ARHGAP42: variants seen among roughly 807,000 people sequenced by gnomAD.
ARHGAP42 encodes rho GTPase-activating protein 42.
ARHGAP42 carries 63 observed loss-of-function variants against 125.0 expected under a neutral mutation model. The observed-to-expected ratio is 0.50, with a 90% CI of 0.41 to 0.62. ARHGAP42 has a LOEUF of 0.62. Among genes scored for constraint, ARHGAP42 ranks in the 20% least tolerant of loss-of-function variants. ARHGAP42 has a pLI of 0.00. For synonymous variants in ARHGAP42, 339 were observed against 351.0 expected, an observed-to-expected ratio of 0.97 and a Z score of 0.38; for missense variants, 766 against 1,024.2, an observed-to-expected ratio of 0.75 and a Z score of 3.44.
At chr11:100,915,789 A>C (rs543614231) in intron 5 of ARHGAP42, among the ~76,000 whole-genome samples, 2 of 152,140 alleles carry the variant, frequency 1.3e-5, no homozygotes, top group Non-Finnish European at 2.9e-5. Flanking sequence ...CAACACAACT[A>C]ACAAATTTTG....
At chr11:100,695,381 G>A (rs1433958054) in intron 1 of ARHGAP42, among the ~76,000 whole-genome samples, 3 of 152,122 alleles carry the variant, frequency 2.0e-5, no homozygotes, top group African/African-American at 7.2e-5. Context: ...TCAGCTCACC[G>A]CAACCTCCAC....
At chr11:100,834,071 C>CTGTTG (rs1864725577) in intron 3 of ARHGAP42, among the ~76,000 whole-genome samples, 1 of 152,102 alleles carries the variant, frequency 6.6e-6, no homozygotes, top group Non-Finnish European at 1.5e-5. Flanking sequence ...ATGGTAGGCA[C>CTGTTG]TGTTGTTAGC....
intron 6 of ARHGAP42, among the ~76,000 whole-genome samples, chr11:100,925,718 G>A (rs77894524): frequency 0.049 from 7,505 of 152,246 alleles, 321 homozygotes; most frequent in East Asian, 0.25. Flanking sequence ...GGCCTAGGTG[G>A]CAGAGTGAGA....
intron 2 of ARHGAP42, among the ~76,000 whole-genome samples, chr11:100,792,085 A>G (rs1338879624): frequency 6.6e-6 from 1 of 152,214 alleles, no homozygotes; most frequent in East Asian, 1.9e-4. Context: ...CCCAGGAGCC[A>G]GTGAAATACA....
intron 3 of ARHGAP42, among the ~76,000 whole-genome samples, chr11:100,833,058 A>G (rs1475106039): frequency 6.6e-6 from 1 of 152,146 alleles, no homozygotes; most frequent in South Asian, 2.1e-4. Flanking sequence ...ATTTTTTCAT[A>G]TTGCCACATC....
rs2135344282 is a variant in ARHGAP42, at chr11:100,992,842, T to A, written c.*4041T>A. ...CATTGGCAGAAAATTGATCTGCATG[T>A]CCTAGACCAATGATTACAAGGTGTC... On this transcript the variant is annotated 3_prime_UTR_variant, in exon 24 of 24. Coordinates refer to ENST00000298815, the MANE Select transcript of ARHGAP42 (RefSeq NM_152432.4). 1 of 919,488 alleles carries A rather than the reference T, an allele frequency of 1.1e-6. No homozygotes were observed. Among genetic ancestry groups the A allele is most frequent in the East Asian group, 2.7e-5 (1 of 37,712 alleles). The allele number at this position is 919,488 out of a possible 1,614,324, so 57.0% of individuals were successfully genotyped here.
chr11:100,745,592 T>C (rs532857503), intron 1 of ARHGAP42, among the ~76,000 whole-genome samples: 3 of 152,340 alleles, frequency 2.0e-5, no homozygotes, highest in South Asian at 2.1e-4. Context: ...GGCTAACTCA[T>C]TGGACAGAGA....
chr11:100,727,491 T>A lies in ARHGAP42; in HGVS notation c.154+39659T>A, dbSNP rs112050199. 5.7e-3 allele frequency among the ~76,000 whole-genome samples: 873 copies of A among 152,042 alleles called. 6 individuals are homozygous for A. The highest frequency in any genetic ancestry group is 0.02 in the Middle Eastern group (6 of 294). ...GATAAGGGCTGGTCACCGGAAAGAGTCCGCCACAATTAGAAGCCTTGAACT... is the reference window on the plus strand; with the variant it reads ...GATAAGGGCTGGTCACCGGAAAGAGACCGCCACAATTAGAAGCCTTGAACT... On this transcript the variant is annotated intron_variant, in intron 1 of 23. Coordinates refer to ENST00000298815, the MANE Select transcript of ARHGAP42 (RefSeq NM_152432.4).
At chr11:100,745,259 A>G (rs2120351697) in intron 1 of ARHGAP42, among the ~76,000 whole-genome samples, 1 of 152,336 alleles carries the variant, frequency 6.6e-6, no homozygotes, top group East Asian at 1.9e-4. Context: ...CTCATATCTA[A>G]CAATCCCTCC....
At chr11:100,763,048 C>T (rs1263909739) in intron 1 of ARHGAP42, among the ~76,000 whole-genome samples, 3 of 137,860 alleles carry the variant, frequency 2.2e-5, no homozygotes, top group South Asian at 2.3e-4. Flanking sequence ...GGCATGATCT[C>T]GGCTCACCAC....
In ARHGAP42 at chr11:100,687,473, G is replaced by C. The variant is rs1861102293; in HGVS notation, c.-206G>C. Among the ~76,000 whole-genome samples the C allele has an allele frequency of 6.6e-6, 1 of 151,836 alleles. No individual in the cohort carries two copies. Among genetic ancestry groups the C allele is most frequent in the African/African-American group, 2.4e-5 (1 of 41,398 alleles). On this transcript the variant is annotated 5_prime_UTR_variant, in exon 1 of 24. Coordinates refer to ENST00000298815, the MANE Select transcript of ARHGAP42 (RefSeq NM_152432.4). The stretch of plus-strand genomic sequence containing the variant: ...GCCTCGGCCCGCCGCCCGCGCCTGC[G>C]CTCGCCTAGCCTCGGGGGAGGAAGA...
chr11:100,842,221 A>G (rs1321965745), intron 3 of ARHGAP42, among the ~76,000 whole-genome samples: 3 of 152,204 alleles, frequency 2.0e-5, no homozygotes, highest in East Asian at 1.9e-4. Flanking sequence ...ACACTTAAAT[A>G]TAGCTCCTAC....
At chr11:100,788,384 A>T (rs997715903) in intron 2 of ARHGAP42, among the ~76,000 whole-genome samples, 1 of 152,216 alleles carries the variant, frequency 6.6e-6, no homozygotes, top group Non-Finnish European at 1.5e-5. Flanking sequence ...TGTGTTTTTC[A>T]TGTGAGCCTT....
At chr11:100,937,030 C>G (rs1232066908) in intron 8 of ARHGAP42, among the ~76,000 whole-genome samples, 3 of 152,200 alleles carry the variant, frequency 2.0e-5, no homozygotes, top group Non-Finnish European at 2.9e-5. Flanking sequence ...GTGTGAGTTT[C>G]CAGCCCATCG....
intron 2 of ARHGAP42, among the ~76,000 whole-genome samples, chr11:100,779,577 TATAC>T (rs1863247557): frequency 9.5e-6 from 1 of 105,612 alleles, no homozygotes; most frequent in East Asian, 2.1e-4. Flanking sequence ...TATACGTATA[TATAC>T]ATATATACGT....
chr11:100,844,602 G>GA (rs556144317), intron 3 of ARHGAP42, among the ~76,000 whole-genome samples: 2,424 of 146,172 alleles, frequency 0.017, 27 homozygotes, highest in Middle Eastern at 0.038. Flanking sequence ...AAATCAACAA[G>GA]AAAAAAAAAA....
intron 1 of ARHGAP42, among the ~76,000 whole-genome samples, chr11:100,705,029 AAAAAG>A (rs796413635): frequency 4.1e-5 from 6 of 146,390 alleles, no homozygotes; most frequent in South Asian, 2.2e-4. Flanking sequence ...AAAAAAAAAA[AAAAAG>A]AGAGAAGAAA....
At chr11:100,698,549 C>T (rs936412756) in intron 1 of ARHGAP42, among the ~76,000 whole-genome samples, 2 of 152,066 alleles carry the variant, frequency 1.3e-5, no homozygotes, top group African/African-American at 4.8e-5. Context: ...GTGGCGCATG[C>T]CTGTAATTCC....
chr11:100,864,297 G>C (rs1475763584), intron 4 of ARHGAP42, among the ~76,000 whole-genome samples: 1 of 151,422 alleles, frequency 6.6e-6, no homozygotes, highest in South Asian at 2.1e-4. Flanking sequence ...TGATTCTCCT[G>C]CTTCAGCCTC....
Sources: allele counts gnomAD v4.1 joint callset (sites outside exome capture counted in the v4.1 genomes callset), GRCh38; gene constraint gnomAD v4.1.1; transcripts MANE v1.5; gene names NCBI Gene and HGNC (gene_info 2026-07-23, HGNC 2026-07-21).